CECR2: variants seen among roughly 807,000 people sequenced by gnomAD.
CECR2 encodes the protein CECR2 histone acetyl-lysine reader, also known as chromatin remodeling regulator CECR2.
CECR2 carries 30 observed loss-of-function variants against 154.5 expected under a neutral mutation model. The observed-to-expected ratio is 0.19, with a 90% CI of 0.15 to 0.26. CECR2 has a LOEUF of 0.26. Among genes scored for constraint, CECR2 ranks in the 10% least tolerant of loss-of-function variants. The pLI is 1.00. For missense variants in CECR2, 1,743 were observed against 1,829.3 expected (o/e 0.95, Z 0.86); for synonymous variants, 725 against 683.7 (o/e 1.06, Z -0.94).
chr22:17,505,329 G>A (rs1341353896), intron 7 of CECR2, among the ~76,000 whole-genome samples: 2 of 150,684 alleles, frequency 1.3e-5, no homozygotes, highest in East Asian at 3.9e-4. Flanking sequence ...TTGAGTCCCT[G>A]TGTAATGCTT....
intron 1 of CECR2, among the ~76,000 whole-genome samples, chr22:17,405,285 G>C (rs147169579): frequency 6.6e-6 from 1 of 151,806 alleles, no homozygotes; most frequent in Non-Finnish European, 1.5e-5. Context: ...GGTGGTGGAC[G>C]CCTGTAATCC....
rs1555925429 is a variant in CECR2, at chr22:17,521,537, A to AG, written c.955-2581_955-2580insG. Among the ~76,000 whole-genome samples, 248 of 150,804 alleles carry AG rather than the reference A, an allele frequency of 1.6e-3. 1 individual carries two copies. The highest frequency in any genetic ancestry group is 2.4e-3 in the Non-Finnish European group (160 of 67,638). ...GAGACTCCATCTCAAAAAAAAAAAA[A>AG]AGAGAGAGAGAGAGAAGTGTCTGTT... On this transcript the variant is annotated intron_variant, in intron 8 of 18. Transcript: ENST00000262608.
At chr22:17,416,010 A>G (rs1489808678) in intron 1 of CECR2, among the ~76,000 whole-genome samples, 1 of 152,142 alleles carries the variant, frequency 6.6e-6, no homozygotes, top group African/African-American at 2.4e-5. Flanking sequence ...AACTGTTTTT[A>G]GGATTGCCAT....
intron 1 of CECR2, among the ~76,000 whole-genome samples, chr22:17,438,199 T>G (rs1373263533): frequency 6.6e-6 from 1 of 152,208 alleles, no homozygotes; most frequent in African/African-American, 2.4e-5. Context: ...CCAGATGACA[T>G]GCGTTACAAA....
intron 1 of CECR2, among the ~76,000 whole-genome samples, chr22:17,453,649 C>T (rs2157720): frequency 0.37 from 56,324 of 152,030 alleles, 11,503 homozygotes; most frequent in Non-Finnish European, 0.46. Flanking sequence ...TTCTCCTTCC[C>T]ATTAATGATA....
intron 1 of CECR2, among the ~76,000 whole-genome samples, chr22:17,379,461 G>T (rs1334271120): frequency 6.6e-6 from 1 of 152,206 alleles, no homozygotes; most frequent in East Asian, 1.9e-4. Context: ...GGGCTGGAGC[G>T]GCTGCCATTG....
Position 17,537,235 on chromosome 22 carries a change from G to A in CECR2, c.1238+3G>A. ...GAGGAAAAAAAGACTAAAGACCTGTGAGTATTTAGTAACAACAACAACAGC... is the reference window on the plus strand; with the variant it reads ...GAGGAAAAAAAGACTAAAGACCTGTAAGTATTTAGTAACAACAACAACAGC... On this transcript the variant is annotated splice_donor_region_variant and intron_variant, in intron 10 of 18. Transcript: ENST00000262608. 1 of 1,613,690 alleles carries A rather than the reference G, an allele frequency of 6.2e-7. No individual in the cohort carries two copies. Among genetic ancestry groups the A allele is most frequent in the South Asian group, 1.1e-5 (1 of 91,044 alleles).
At chr22:17,408,388 A>T (rs1252611407) in intron 1 of CECR2, among the ~76,000 whole-genome samples, 3 of 152,164 alleles carry the variant, frequency 2.0e-5, no homozygotes, top group South Asian at 2.1e-4. Flanking sequence ...TGGGCAAGTC[A>T]TTCATCTGTT....
chr22:17,509,532 C>T (rs775593069), intron 7 of CECR2, among the ~76,000 whole-genome samples: 4 of 151,634 alleles, frequency 2.6e-5, no homozygotes, highest in Non-Finnish European at 4.4e-5. Context: ...TGGGCTCAAA[C>T]GATTCTCCTC....
chr22:17,459,173 T>C (rs1394937021), intron 1 of CECR2, among the ~76,000 whole-genome samples: 2 of 152,202 alleles, frequency 1.3e-5, no homozygotes, highest in Non-Finnish European at 2.9e-5. Flanking sequence ...ATATTCCAGT[T>C]ACAGTAAGAA....
intron 17 of CECR2, among the ~76,000 whole-genome samples, chr22:17,551,096 T>C (rs562523749): frequency 9.2e-5 from 14 of 152,244 alleles, no homozygotes; most frequent in Non-Finnish European, 2.1e-4. Flanking sequence ...TCTAAATACC[T>C]GTTTTCTTTG....
At chr22:17,382,662 T>C (rs565145386) in intron 1 of CECR2, among the ~76,000 whole-genome samples, 4 of 152,312 alleles carry the variant, frequency 2.6e-5, no homozygotes, top group East Asian at 1.9e-4. Flanking sequence ...CCCAACACTT[T>C]GGGAGGCTGA....
intron 1 of CECR2, among the ~76,000 whole-genome samples, chr22:17,438,390 C>A (rs113437454): frequency 2.6e-5 from 4 of 152,138 alleles, no homozygotes; most frequent in Admixed American, 2.6e-4. Flanking sequence ...TGAGACTTGT[C>A]GACTGACAAG....
At chr22:17,432,851 T>G (rs1487989438) in intron 1 of CECR2, among the ~76,000 whole-genome samples, 3 of 152,162 alleles carry the variant, frequency 2.0e-5, no homozygotes, top group African/African-American at 7.2e-5. Flanking sequence ...CCTCACCCTG[T>G]GATTACAGGT....
chr22:17,449,032 C>T (rs2054723514), intron 1 of CECR2, among the ~76,000 whole-genome samples: 1 of 152,106 alleles, frequency 6.6e-6, no homozygotes, highest in South Asian at 2.1e-4. Flanking sequence ...GCGGCAACTA[C>T]CATGCCCGGC....
At chr22:17,416,313 A>T (rs1291443769) in intron 1 of CECR2, among the ~76,000 whole-genome samples, 1 of 152,174 alleles carries the variant, frequency 6.6e-6, no homozygotes, top group Non-Finnish European at 1.5e-5. Flanking sequence ...AGTCAAGAAG[A>T]TGGAATATAT....
At chr22:17,469,869 C>T (rs1328794487) in intron 1 of CECR2, among the ~76,000 whole-genome samples, 1 of 152,200 alleles carries the variant, frequency 6.6e-6, no homozygotes, top group Admixed American at 6.5e-5. Flanking sequence ...CATGCCTCTG[C>T]CGTGGCGTCC....
At chr22:17,416,566 C>T (rs942976258) in intron 1 of CECR2, among the ~76,000 whole-genome samples, 3 of 152,158 alleles carry the variant, frequency 2.0e-5, no homozygotes, top group African/African-American at 7.2e-5. Context: ...GCTCTGGTCG[C>T]CCAGACTGGA....
intron 10 of CECR2, 45 bp from the exon 11 acceptor site, chr22:17,538,475 A>G: frequency 6.4e-7 from 1 of 1,556,752 alleles, no homozygotes; most frequent in Non-Finnish European, 8.9e-7. Flanking sequence ...CTCAGGAGAG[A>G]AGGTGGTCAG....
Sources: gnomAD v4.1 joint callset for allele counts (sites outside exome capture counted in the v4.1 genomes callset) on GRCh38, gnomAD v4.1.1 for gene constraint, MANE v1.5 for transcripts, NCBI Gene and HGNC (gene_info 2026-07-23, HGNC 2026-07-21) for gene names.